Variants in GPRIN3 observed in about 807,000 individuals in gnomAD.
The protein encoded by GPRIN3 is GPRIN family member 3.
A neutral mutation model predicts 13.7 loss-of-function variants in GPRIN3; 12 were observed. The ratio of observed to expected loss-of-function variants is 0.87; its 90% CI spans 0.56 to 1.42. GPRIN3 has a LOEUF of 1.42. Among genes scored for constraint, GPRIN3 ranks in the 40% most tolerant of loss-of-function variants. The pLI is 0.00. For missense variants in GPRIN3, 1,009 were observed against 958.7 expected, an observed-to-expected ratio of 1.05 and a Z score of -0.69; for synonymous variants, 377 against 372.7, an observed-to-expected ratio of 1.01 and a Z score of -0.13.
intron 1 of GPRIN3, among the ~76,000 whole-genome samples, chr4:89,254,494 G>T (rs1400462301): frequency 6.6e-6 from 1 of 152,074 alleles, no homozygotes; most frequent in Non-Finnish European, 1.5e-5. Context: ...TTCTGTTGCT[G>T]CATTAGTTTG....
chr4:89,249,721 G>A lies in GPRIN3; in HGVS notation c.390C>T (p.Ala130=). 1 of 1,614,200 alleles carries A rather than the reference G, an allele frequency of 6.2e-7. No homozygotes were observed. Among genetic ancestry groups the A allele is most frequent in the African/African-American group, 1.3e-5 (1 of 75,050 alleles). The change falls in exon 2 of 2, where the codon GCC becomes GCT. Residue 130 remains alanine (A), a synonymous_variant. Transcript: ENST00000609438. ...DLIHTPLTMP[A]NQHTCQSIPG... ...GGATGGACTGGCAGGTGTGCTGATT[G>A]GCGGGCATTGTCAATGGTGTGTGTA...
chr4:89,269,956 T>G (rs1354455262), intron 1 of GPRIN3, among the ~76,000 whole-genome samples: 1 of 152,212 alleles, frequency 6.6e-6, no homozygotes, highest in African/African-American at 2.4e-5. Flanking sequence ...ATGGTTGGAT[T>G]AATTTACTCA....
intron 1 of GPRIN3, among the ~76,000 whole-genome samples, chr4:89,305,758 G>C (rs765612201): frequency 1.2e-4 from 19 of 152,182 alleles, no homozygotes; most frequent in Non-Finnish European, 2.2e-4. Flanking sequence ...AAATAATTAA[G>C]CATATTGGGC....
chr4:89,262,679 G>A (rs1430086628), intron 1 of GPRIN3, among the ~76,000 whole-genome samples: 1 of 152,176 alleles, frequency 6.6e-6, no homozygotes, highest in Non-Finnish European at 1.5e-5. Context: ...TGGGCAATGT[G>A]AGTAGTTTTC....
At chr4:89,274,422 C>G (rs187533172) in intron 1 of GPRIN3, among the ~76,000 whole-genome samples, 73 of 152,140 alleles carry the variant, frequency 4.8e-4, no homozygotes, top group Middle Eastern at 3.4e-3. Context: ...CCAGGGGGTT[C>G]GTGACGTCAA....
At chr4:89,265,821 T>C (rs1445902550) in intron 1 of GPRIN3, among the ~76,000 whole-genome samples, 25 of 152,344 alleles carry the variant, frequency 1.6e-4, no homozygotes. Context: ...CAATATTTTC[T>C]AACAGAATCA....
intron 1 of GPRIN3, among the ~76,000 whole-genome samples, chr4:89,271,718 A>G (rs371922063): frequency 2.0e-5 from 3 of 152,048 alleles, no homozygotes; most frequent in African/African-American, 7.2e-5. Flanking sequence ...AGATGGACAA[A>G]TGGTTAAAAC....
At chr4:89,264,689 T>C (rs1723736182) in intron 1 of GPRIN3, among the ~76,000 whole-genome samples, 1 of 152,188 alleles carries the variant, frequency 6.6e-6, no homozygotes, top group South Asian at 2.1e-4. Context: ...GGAGGGATCA[T>C]GCAGGGCTTT....
chr4:89,257,542 A>C (rs1007203594), intron 1 of GPRIN3, among the ~76,000 whole-genome samples: 2 of 152,158 alleles, frequency 1.3e-5, no homozygotes, highest in Non-Finnish European at 2.9e-5. Context: ...ACAGCTCTAT[A>C]AGGATGGTCT....
At chr4:89,297,290 T>C (rs1211093221) in intron 1 of GPRIN3, among the ~76,000 whole-genome samples, 1 of 152,220 alleles carries the variant, frequency 6.6e-6, no homozygotes, top group Non-Finnish European at 1.5e-5. Flanking sequence ...TAGCCTTCAC[T>C]CATTTCCTTT....
At chr4:89,303,998 T>C (rs978355989) in intron 1 of GPRIN3, among the ~76,000 whole-genome samples, 1 of 152,134 alleles carries the variant, frequency 6.6e-6, no homozygotes, top group Non-Finnish European at 1.5e-5. Context: ...TAACTGCCAT[T>C]ACTTCCTCAT....
chr4:89,267,332 T>C (rs1391926754), intron 1 of GPRIN3, among the ~76,000 whole-genome samples: 1 of 152,216 alleles, frequency 6.6e-6, no homozygotes, highest in East Asian at 1.9e-4. Context: ...ATGCACTCTC[T>C]GGATTTTCCA....
At chr4:89,280,975 A>C (rs1267051278) in intron 1 of GPRIN3, among the ~76,000 whole-genome samples, 1 of 152,142 alleles carries the variant, frequency 6.6e-6, no homozygotes, top group Non-Finnish European at 1.5e-5. Flanking sequence ...ACAGTTCTTC[A>C]GGCTTTATGG....
At chr4:89,297,393 T>TGTTTTGTTTTGTTTTGTTTC (rs1724768006) in intron 1 of GPRIN3, among the ~76,000 whole-genome samples, 1 of 151,234 alleles carries the variant, frequency 6.6e-6, no homozygotes, top group Non-Finnish European at 1.5e-5. Context: ...TTTTTTGTTT[T>TGTTTTGTTTTGTTTTGTTTC]GTTTTGTTTT....
intron 1 of GPRIN3, among the ~76,000 whole-genome samples, chr4:89,282,679 AG>A (rs34434144): frequency 2.7e-5 from 4 of 150,362 alleles, no homozygotes. Flanking sequence ...AGCGTGACCC[AG>A]GGAAGCCAAA....
intron 1 of GPRIN3, among the ~76,000 whole-genome samples, chr4:89,281,962 C>CTTT (rs34213357): frequency 7.3e-6 from 1 of 136,542 alleles, no homozygotes; most frequent in Non-Finnish European, 1.6e-5. Context: ...ATGCAGTCAT[C>CTTT]TTTTTTTTTT....
intron 1 of GPRIN3, among the ~76,000 whole-genome samples, chr4:89,288,690 C>T (rs1724490902): frequency 6.6e-6 from 1 of 152,078 alleles, no homozygotes; most frequent in Non-Finnish European, 1.5e-5. Flanking sequence ...TACATTTTAC[C>T]CTTTAAAGGT....
At chr4:89,287,822 T>G (rs943611671) in intron 1 of GPRIN3, among the ~76,000 whole-genome samples, 1 of 152,204 alleles carries the variant, frequency 6.6e-6, no homozygotes, top group Non-Finnish European at 1.5e-5. Context: ...GAAGTGTTAT[T>G]GAATATTAGG....
intron 1 of GPRIN3, among the ~76,000 whole-genome samples, chr4:89,276,267 AC>A (rs1189959547): frequency 6.6e-6 from 1 of 152,166 alleles, no homozygotes; most frequent in Non-Finnish European, 1.5e-5. Flanking sequence ...TATTTATTTT[AC>A]AACTTGTCTA....
Sources: gnomAD v4.1 joint callset for allele counts (sites outside exome capture counted in the v4.1 genomes callset) on GRCh38, gnomAD v4.1.1 for gene constraint, MANE v1.5 for transcripts, NCBI Gene and HGNC (gene_info 2026-07-23, HGNC 2026-07-21) for gene names.